CEP250: variants seen among roughly 807,000 people sequenced by gnomAD.
The protein encoded by CEP250 is centrosome-associated protein CEP250.
In CEP250, 242 loss-of-function variants were observed where a neutral mutation model predicts 315.7. That is an observed-to-expected ratio of 0.77 (90% CI 0.69 to 0.85). CEP250 has a LOEUF of 0.85. Ranked by LOEUF, CEP250 falls within the 40% of genes least tolerant of loss-of-function variation. The pLI is 0.00. For synonymous variants in CEP250, 1,088 were observed against 1,175.0 expected, an observed-to-expected ratio of 0.93 and a Z score of 1.51; for missense variants, 2,515 against 2,886.4, an observed-to-expected ratio of 0.87 and a Z score of 2.95.
chr20:35,489,379 A>G (rs2063618493), intron 20 of CEP250, among the ~76,000 whole-genome samples: 2 of 152,240 alleles, frequency 1.3e-5, no homozygotes, highest in African/African-American at 4.8e-5. Flanking sequence ...TGCAGGGAAT[A>G]CTAATGTGAT....
chr20:35,472,919 C>A, intron 12 of CEP250, 88 bp downstream of exon 12: 1 of 1,346,866 alleles, frequency 7.4e-7, no homozygotes, highest in South Asian at 1.3e-5. Context: ...CTGGACTATC[C>A]CTTTCACTTT....
At chr20:35,489,895 G>A (rs1255663103) in intron 20 of CEP250, among the ~76,000 whole-genome samples, 1 of 152,246 alleles carries the variant, frequency 6.6e-6, no homozygotes, top group South Asian at 2.1e-4. Flanking sequence ...TAACAAATAC[G>A]GAGCTGTGTG....
chr20:35,472,570 T>G, intron 11 of CEP250, 103 bp from the exon 12 acceptor site: 2 of 1,215,104 alleles, frequency 1.6e-6, no homozygotes, highest in Non-Finnish European at 2.4e-6. Flanking sequence ...GGAGAGGACC[T>G]GAGAAGGAAA....
At chr20:35,489,093 C>T (rs1454114525) in intron 20 of CEP250, among the ~76,000 whole-genome samples, 2 of 151,120 alleles carry the variant, frequency 1.3e-5, no homozygotes, top group African/African-American at 2.4e-5. Context: ...GAGGCTGAGG[C>T]GGGAGAATCA....
intron 28 of CEP250, 38 bp downstream of exon 28, chr20:35,500,207 G>T: frequency 6.2e-7 from 1 of 1,610,110 alleles, no homozygotes. Context: ...TTGAGAGGGA[G>T]AAGGGATAGG....
chr20:35,470,105 A>C (rs1488199173), intron 10 of CEP250, 119 bp downstream of exon 10: 1 of 697,338 alleles, frequency 1.4e-6, no homozygotes, highest in Non-Finnish European at 2.5e-6. Context: ...TCTAAAGCTA[A>C]AAAATAAATT....
intron 23 of CEP250, 83 bp from the exon 24 acceptor site, chr20:35,494,441 G>C (rs1202771420): frequency 1.3e-6 from 2 of 1,565,562 alleles, no homozygotes; most frequent in East Asian, 4.5e-5. Flanking sequence ...AAACCTCGAA[G>C]GACCCTGAAG....
In CEP250 at chr20:35,500,067, G is replaced by A. The variant is rs1040156932; in HGVS notation, c.3796G>A (p.Val1266Ile). 3 of 1,614,140 alleles carry A rather than the reference G, an allele frequency of 1.9e-6. No individual in the cohort carries two copies. The highest frequency in any genetic ancestry group is 2.2e-5 in the East Asian group (1 of 44,878). The part of the protein sequence containing the change: ...QQTRDVLRDQ[V>I]QKLEERLTDT... Reference sequence around the variant, plus strand: ...TTCCCAGGATGTTCTGAGGGATCAGGTCCAGAAACTGGAAGAGCGTCTAAC... The same window carrying A: ...TTCCCAGGATGTTCTGAGGGATCAGATCCAGAAACTGGAAGAGCGTCTAAC... The change falls in exon 28 of 35, where the codon GTC becomes ATC. Residue 1266 changes from valine (V) to isoleucine (I), a missense_variant. By Grantham distance (29) the Val-to-Ile change is conservative. Transcript: ENST00000397527.
At chr20:35,458,834 T>G (rs1168306150) in intron 2 of CEP250, among the ~76,000 whole-genome samples, 1 of 152,166 alleles carries the variant, frequency 6.6e-6, no homozygotes, top group East Asian at 1.9e-4. Flanking sequence ...TTTAAAAAAC[T>G]TTAAATCATT....
At chr20:35,462,575 G>C (rs1268186060) in intron 4 of CEP250, 22 bp downstream of exon 4, 1 of 1,567,402 alleles carries the variant, frequency 6.4e-7, no homozygotes, top group African/African-American at 1.4e-5. Flanking sequence ...GCCCTTTTGG[G>C]GAGGGGAAAG....
chr20:35,490,904 TC>T, intron 21 of CEP250, 100 bp downstream of exon 21: 1 of 1,398,992 alleles, frequency 7.1e-7, no homozygotes, highest in Non-Finnish European at 9.7e-7. Flanking sequence ...CAGAGGGGCT[TC>T]CAGAAGAGAG....
rs1256686850 is a variant in CEP250 at position 35,480,014 on chromosome 20, C to T, written c.2455C>T (p.Arg819Trp). Residue 819 changes from arginine to tryptophan, a missense_variant, in exon 20 of 35, where the codon CGG (arginine) becomes TGG (tryptophan). Physicochemically the swap from Arg to Trp is moderately radical, Grantham distance 101 (BLOSUM62 -3). Coordinates refer to ENST00000397527, the MANE Select transcript of CEP250 (RefSeq NM_007186.6). ...RCLKLELDTE[R>W]SQAEQERDAA... ...CCTGAAGCTGGAACTGGACACTGAA[C>T]GGAGTCAGGCAGAGCAGGAGCGGGA... The T allele has an allele frequency of 7.4e-6, 12 of 1,613,616 alleles. No homozygotes were observed. Among genetic ancestry groups the T allele is most frequent in the South Asian group, 5.5e-5 (5 of 91,062 alleles).
chr20:35,479,870 G>T (rs975111639), intron 19 of CEP250, 97 bp downstream of exon 19: 2 of 1,597,320 alleles, frequency 1.3e-6, no homozygotes, highest in African/African-American at 2.7e-5. Context: ...CTCCAGCAGG[G>T]TGCAGGGCCT....
chr20:35,489,210 G>A (rs556074969), intron 20 of CEP250, among the ~76,000 whole-genome samples: 2 of 149,490 alleles, frequency 1.3e-5, no homozygotes, highest in East Asian at 2.0e-4. Flanking sequence ...AAAGTGCTTA[G>A]TGTGCTCAAG....
Position 35,503,268 on chromosome 20 carries a change from G to A in CEP250, c.4899G>A (p.Lys1633=), listed in dbSNP as rs750744702. The A allele has an allele frequency of 2.5e-6, 4 of 1,614,118 alleles. No homozygotes were observed. In the East Asian group the frequency reaches 6.7e-5, roughly 27 times the overall value. The change falls in exon 30 of 35, where the codon AAG becomes AAA. Residue 1633 remains lysine, a synonymous_variant. Transcript: ENST00000397527. The surrounding 1 kb of genome is among the most constrained non-coding windows in gnomAD (Gnocchi z 4.2). ...TGCAGGAGAGGGACCAGGAGGTGAAGTCTCAGCGAGAACAGATCGAGGAGC... is the reference window on the plus strand; with the variant it reads ...TGCAGGAGAGGGACCAGGAGGTGAAATCTCAGCGAGAACAGATCGAGGAGC... ...RELQERDQEV[K]SQREQIEELQ...
chr20:35,472,232 A>G (rs2063041433), intron 11 of CEP250, 81 bp downstream of exon 11: 3 of 847,804 alleles, frequency 3.5e-6, no homozygotes, highest in South Asian at 1.4e-5. Context: ...TCCTGCCTAG[A>G]TTTCCAGTCT....
At position 35,469,998 on chromosome 20, in the gene CEP250, T is replaced by G; in HGVS notation, c.948+12T>G. 1 of 1,590,046 alleles carries G rather than the reference T, an allele frequency of 6.3e-7. No homozygotes were observed. The highest frequency in any genetic ancestry group is 8.6e-7 in the Non-Finnish European group (1 of 1,158,070). On this transcript the variant is annotated intron_variant, in intron 10 of 34. Coordinates refer to ENST00000397527, the MANE Select transcript of CEP250 (RefSeq NM_007186.6). ...CAGTGGAGATCCTGGTACATGATCC[T>G]TTGCTCTGGAAAGGAGTTGGGCGTG...
chr20:35,468,164 G>T (rs1261507898), intron 9 of CEP250, among the ~76,000 whole-genome samples: 1 of 151,862 alleles, frequency 6.6e-6, no homozygotes, highest in African/African-American at 2.4e-5. Flanking sequence ...GGTCAGGCTG[G>T]TCTCAAACTC....
intron 23 of CEP250, among the ~76,000 whole-genome samples, chr20:35,493,905 T>C (rs1341644661): frequency 6.6e-6 from 1 of 152,244 alleles, no homozygotes; most frequent in East Asian, 1.9e-4. Context: ...TATCAAATGA[T>C]GTTCTGACTT....
Sources: gnomAD v4.1 joint callset for allele counts (sites outside exome capture counted in the v4.1 genomes callset) on GRCh38, gnomAD v4.1.1 for gene constraint, Gnocchi (gnomAD v3.1) non-coding constraint, MANE v1.5 for transcripts, NCBI Gene and HGNC (gene_info 2026-07-23, HGNC 2026-07-21) for gene names.